Variants in PRUNE2 observed in about 807,000 individuals in gnomAD.
PRUNE2 encodes prune homolog 2 with BCH domain.
PRUNE2 carries 164 observed loss-of-function variants against 252.0 expected under a neutral mutation model. That is an observed-to-expected ratio of 0.65 (90% CI 0.57 to 0.74). The LOEUF is 0.74. PRUNE2 is among the 30% of genes least tolerant of loss of function. The pLI, the probability that PRUNE2 is intolerant of heterozygous loss-of-function variation, is 0.00. For missense variants in PRUNE2, 3,495 were observed against 3,711.0 expected, an observed-to-expected ratio of 0.94 and a Z score of 1.51; for synonymous variants, 1,292 against 1,350.2, an observed-to-expected ratio of 0.96 and a Z score of 0.94.
intron 6 of PRUNE2, among the ~76,000 whole-genome samples, chr9:76,719,267 T>G (rs956345030): frequency 1.3e-5 from 2 of 152,110 alleles, no homozygotes; most frequent in African/African-American, 4.8e-5. Context: ...AGGTTTAATG[T>G]CCTCAAGAAT....
intron 1 of PRUNE2, among the ~76,000 whole-genome samples, chr9:76,854,969 G>C (rs1011594470): frequency 1.3e-5 from 2 of 150,344 alleles, no homozygotes; most frequent in East Asian, 3.9e-4. Context: ...AGGAGGCTGA[G>C]GTAGAGGAAT....
At chr9:76,666,342 G>C (rs1443819661) in intron 9 of PRUNE2, among the ~76,000 whole-genome samples, 1 of 152,210 alleles carries the variant, frequency 6.6e-6, no homozygotes, top group East Asian at 1.9e-4. Context: ...ACATCAGTCA[G>C]GCTTGCCCGC....
chr9:76,710,982 G>C lies in PRUNE2; in HGVS notation c.1292C>G (p.Ala431Gly). 1 of 1,610,290 alleles carries C rather than the reference G, an allele frequency of 6.2e-7. No homozygotes were observed. The highest frequency in any genetic ancestry group is 8.5e-7 in the Non-Finnish European group (1 of 1,177,904). Residue 431 changes from alanine (A) to glycine (G), a missense_variant, in exon 8 of 19, where the codon GCT becomes GGT. Transcript: ENST00000376718. ...VDLVSPDSGL[A>G]TIRSSRSSKE... The stretch of plus-strand genomic sequence containing the variant: ...GGATGAGCGGCTGCTCCTAATGGTA[G>C]CCAGTCCGCTGTCTGGGCTAACAAG...
At chr9:76,717,195 C>A (rs148571781) in intron 6 of PRUNE2, among the ~76,000 whole-genome samples, 3 of 152,220 alleles carry the variant, frequency 2.0e-5, no homozygotes, top group African/African-American at 7.2e-5. Flanking sequence ...GCTCTCCAAG[C>A]CAGATTCGAT....
chr9:76,899,702 C>A (rs2063055018), intron 1 of PRUNE2, among the ~76,000 whole-genome samples: 1 of 152,102 alleles, frequency 6.6e-6, no homozygotes. Flanking sequence ...TGGCATTAAT[C>A]GAACAAACAT....
At chr9:76,835,318 T>A (rs1440746011) in intron 4 of PRUNE2, among the ~76,000 whole-genome samples, 2 of 151,976 alleles carry the variant, frequency 1.3e-5, no homozygotes, top group Non-Finnish European at 2.9e-5. Flanking sequence ...TTACATAGGA[T>A]TGATTTTTTT....
chr9:76,790,537 C>A (rs1589247303), intron 6 of PRUNE2, among the ~76,000 whole-genome samples: 1 of 152,248 alleles, frequency 6.6e-6, no homozygotes, highest in South Asian at 2.1e-4. Flanking sequence ...TTGTTTTGTA[C>A]CCACCAGCAG....
rs2046374484 is a variant in PRUNE2, at chr9:76,707,204, G to A, written c.5070C>T (p.Asp1690=). 6.2e-7 allele frequency: 1 copy of A among 1,613,980 alleles called. No homozygotes were observed. The highest frequency in any genetic ancestry group is 1.3e-5 in the African/African-American group (1 of 75,056). Residue 1690 remains aspartate (D), a synonymous_variant, in exon 8 of 19, where the codon GAC becomes GAT. Transcript: ENST00000376718. ...CTATTGACTCTTCACCACCGACACT[G>A]TCATCATCAGAACCTGAGCTTGTTG... ...VISTSSGSDD[D]SVGGEESIEE...
At chr9:76,870,256 AAG>A (rs1292861738) in intron 1 of PRUNE2, among the ~76,000 whole-genome samples, 1 of 151,802 alleles carries the variant, frequency 6.6e-6, no homozygotes, top group African/African-American at 2.4e-5. Context: ...TTGTCAAAAG[AAG>A]AGAGCAAGAC....
At chr9:76,739,409 T>C (rs896813633) in intron 6 of PRUNE2, 2 of 152,146 alleles carry the variant, frequency 1.3e-5, no homozygotes, top group African/African-American at 4.8e-5. Context: ...TAATAGTCTT[T>C]AATGCTATCA....
chr9:76,734,325 CA>C (rs1564178565), intron 6 of PRUNE2, among the ~76,000 whole-genome samples: 1 of 151,784 alleles, frequency 6.6e-6, no homozygotes, highest in Non-Finnish European at 1.5e-5. Flanking sequence ...GGTACAAGCA[CA>C]AAAAAAGTTT....
chr9:76,829,962 T>C lies in PRUNE2; in HGVS notation c.509-3230A>G, dbSNP rs182632517. On this transcript the variant is annotated intron_variant, in intron 4 of 18. Transcript: ENST00000376718. ...AAGAATAAACTCATGAGGAAAAGAA[T>C]AGAAACAGAATCAGAGGGGATTTTA... Among the ~76,000 whole-genome samples the C allele has an allele frequency of 5.9e-3, 902 of 152,214 alleles. 7 individuals carry two copies. The highest frequency in any genetic ancestry group is 9.0e-3 in the Non-Finnish European group (615 of 67,990).
intron 4 of PRUNE2, 91 bp from the exon 5 acceptor site, chr9:76,826,823 A>C: frequency 9.3e-7 from 1 of 1,073,212 alleles, no homozygotes; most frequent in Non-Finnish European, 1.3e-6. Flanking sequence ...CTCTCAATCT[A>C]AGCTTTCCAT....
chr9:76,639,563 G>C (rs1841689686), intron 12 of PRUNE2, among the ~76,000 whole-genome samples: 1 of 152,146 alleles, frequency 6.6e-6, no homozygotes. Flanking sequence ...TGAGTATTTA[G>C]AGTTCTGAGA....
intron 9 of PRUNE2, among the ~76,000 whole-genome samples, chr9:76,671,634 G>A (rs1331027342): frequency 3.3e-5 from 5 of 152,272 alleles, no homozygotes; most frequent in Admixed American, 1.3e-4. Flanking sequence ...AAGGAAAAAT[G>A]TTAAGGGAAG....
intron 6 of PRUNE2, among the ~76,000 whole-genome samples, chr9:76,799,849 A>C (rs2056420599): frequency 6.6e-6 from 1 of 152,164 alleles, no homozygotes; most frequent in Non-Finnish European, 1.5e-5. Flanking sequence ...GGAACAAAAT[A>C]TTTTTTATTA....
intron 10 of PRUNE2, among the ~76,000 whole-genome samples, chr9:76,654,586 T>C (rs1848564023): frequency 6.6e-6 from 1 of 152,226 alleles, no homozygotes; most frequent in African/African-American, 2.4e-5. Context: ...TTTTTAATTT[T>C]AATTAATTTA....
At position 76,710,642 on chromosome 9, in the gene PRUNE2, G is replaced by C. The variant is rs600859; in HGVS notation, c.1632C>G (p.Thr544=). The change falls in exon 8 of 19, where the codon ACC becomes ACG. Residue 544 remains threonine (T), a synonymous_variant. Transcript: ENST00000376718. ...AGPEGLDGMG[T]NMSNYSSSSL... ...AACTGGATGAATAATTAGACATGTT[G>C]GTTCCCATGCCATCAAGTCCTTCAG... is the stretch of plus-strand genomic sequence containing the variant. 0.58 allele frequency: 941,141 copies of C among 1,611,866 alleles called. 279,151 individuals carry two copies. The highest frequency in any genetic ancestry group is 0.72 in the Middle Eastern group (4,356 of 6,052).
At chr9:76,692,786 T>C (rs867052752) in intron 9 of PRUNE2, 2 of 152,234 alleles carry the variant, frequency 1.3e-5, no homozygotes, top group East Asian at 1.9e-4. Context: ...ACTGCTCATT[T>C]ACAGAATGGA....
Sources: gnomAD v4.1 joint callset for allele counts (sites outside exome capture counted in the v4.1 genomes callset) on GRCh38, gnomAD v4.1.1 for gene constraint, MANE v1.5 for transcripts, NCBI Gene and HGNC (gene_info 2026-07-23, HGNC 2026-07-21) for gene names.